Variants in PNPLA1 observed in about 807,000 individuals in gnomAD.
PNPLA1 encodes omega-hydroxyceramide transacylase.
A neutral mutation model predicts 51.7 loss-of-function variants in PNPLA1; 36 were observed. The ratio of observed to expected loss-of-function variants is 0.70; its 90% CI spans 0.53 to 0.92. PNPLA1 has a LOEUF of 0.92. Ranked by LOEUF, PNPLA1 falls within the 40% of genes least tolerant of loss-of-function variation. PNPLA1 has a pLI of 0.00. For synonymous variants in PNPLA1, 293 were observed against 280.1 expected (o/e 1.05, Z -0.46); for missense variants, 658 against 682.5 (o/e 0.96, Z 0.40).
intron 5 of PNPLA1, among the ~76,000 whole-genome samples, chr6:36,298,783 G>C (rs2127349318): frequency 6.6e-6 from 1 of 152,318 alleles, no homozygotes; most frequent in East Asian, 1.9e-4. Flanking sequence ...CTGTTGTCCA[G>C]GCTAGAGTGT....
chr6:36,285,533 G>A (rs1165216635), intron 1 of PNPLA1, among the ~76,000 whole-genome samples: 1 of 152,224 alleles, frequency 6.6e-6, no homozygotes, highest in East Asian at 1.9e-4. Context: ...AGTTGGGGAA[G>A]AGAAGCCTTC....
chr6:36,287,692 T>C (rs1770537887), intron 1 of PNPLA1, among the ~76,000 whole-genome samples: 1 of 150,022 alleles, frequency 6.7e-6, no homozygotes, highest in African/African-American at 2.5e-5. Context: ...AGGAGAGAGA[T>C]AGACAGAGAC....
upstream of PNPLA1, among the ~76,000 whole-genome samples, chr6:36,269,961 C>T (rs997875357): frequency 1.3e-5 from 2 of 152,206 alleles, no homozygotes; most frequent in Non-Finnish European, 2.9e-5. Context: ...CCTTCACGGC[C>T]GCAGCAGCAT....
At chr6:36,309,757 G>A (rs1771346068) in intron 8 of PNPLA1, among the ~76,000 whole-genome samples, 2 of 152,330 alleles carry the variant, frequency 1.3e-5, no homozygotes, top group African/African-American at 4.8e-5. Context: ...CTGCCTGGAG[G>A]TGGCAATTTA....
chr6:36,264,638 C>T (rs1033307119), intron 1 of PNPLA1, among the ~76,000 whole-genome samples: 26 of 152,102 alleles, frequency 1.7e-4, no homozygotes, highest in Non-Finnish European at 2.6e-4. Context: ...TTACTTGTGA[C>T]GTCTCATTGC....
rs1215234918 is a variant in PNPLA1 at position 36,270,064 on chromosome 6, A to C, written c.-396A>C. On this transcript the variant is annotated 5_prime_UTR_variant, in exon 1 of 9. It removes an upstream start codon present in the reference 5' UTR. Transcript: ENST00000636260. ...CTGGGCAGAGCCCGCCTCCTTGGGC[A>C]TGGCCCTGTGCTGGGGAGCAGTGAA... is the stretch of plus-strand genomic sequence containing the variant. Among the ~76,000 whole-genome samples, 1 of 152,256 alleles carries C rather than the reference A, an allele frequency of 6.6e-6. No individual in the cohort carries two copies. Among genetic ancestry groups the C allele is most frequent in the East Asian group, 1.9e-4 (1 of 5,192 alleles).
chr6:36,295,451 G>A, intron 5 of PNPLA1, 27 bp downstream of exon 5: 3 of 1,610,252 alleles, frequency 1.9e-6, no homozygotes, highest in Non-Finnish European at 2.5e-6. Context: ...CCCCAGGTAA[G>A]GGCAGTGTTG....
At position 36,306,311 on chromosome 6, in the gene PNPLA1, T is replaced by C. The variant is rs1771231766; in HGVS notation, c.1404T>C (p.Ser468=). The change falls in exon 7 of 9, where the codon TCT becomes TCC. Residue 468 remains serine (S), a synonymous_variant. Transcript: ENST00000636260. ...TTTTAGCTGTAGCTCTTCTTGTCTC[T>C]TCAAAACCAAAAAGCGCCGTGCCTC... ...EQPQAVALLV[S]SKPKSAVPLV... 8 of 1,613,198 alleles carry C rather than the reference T, an allele frequency of 5.0e-6. No homozygotes were observed. Among genetic ancestry groups the C allele is most frequent in the Non-Finnish European group, 6.8e-6 (8 of 1,179,698 alleles).
chr6:36,250,794 C>T (rs1769403492), intron 1 of PNPLA1, among the ~76,000 whole-genome samples: 1 of 152,138 alleles, frequency 6.6e-6, no homozygotes, highest in African/African-American at 2.4e-5. Flanking sequence ...ACCTCTGACT[C>T]CCCGGTTCAA....
rs536875133 is a variant in PNPLA1, at chr6:36,307,638, C to T, written c.1521C>T (p.Asn507=). The change falls in exon 8 of 9, where the codon AAC becomes AAT. Residue 507 remains asparagine, a synonymous_variant. Transcript: ENST00000636260. ...GGGTGAATAAGGTCTTCAAGAAGAA[C>T]AAGCAAAAGACAAGTGGCACCAGAA... ...SNWVNKVFKK[N]KQKTSGTRKG... 2.0e-4 allele frequency: 322 copies of T among 1,613,884 alleles called. 4 individuals are homozygous for T. The South Asian group carries it at 3.4e-3, about 17-fold the overall frequency.
At chr6:36,250,642 G>A (rs369654272) in intron 1 of PNPLA1, among the ~76,000 whole-genome samples, 1 of 152,134 alleles carries the variant, frequency 6.6e-6, no homozygotes, top group Non-Finnish European at 1.5e-5. Flanking sequence ...AGAGATAACC[G>A]TCTTTAAGGT....
intron 1 of PNPLA1, among the ~76,000 whole-genome samples, chr6:36,285,049 G>GT (rs1770440585): frequency 6.6e-6 from 1 of 152,172 alleles, no homozygotes; most frequent in Non-Finnish European, 1.5e-5. Context: ...GAGATAATAG[G>GT]TGGGAAAGCC....
rs532846780 is a variant in PNPLA1, at chr6:36,263,011, G to A, written c.-81+19750G>A. On this transcript the variant is annotated intron_variant, in intron 1 of 7. Transcript: ENST00000312917. ...ATTTTTAAATAGATGGTGCCAAATT[G>A]CCCACCAAAATGCAGCTTTTCAAAG... is the stretch of plus-strand genomic sequence containing the variant. 2.0e-5 allele frequency among the ~76,000 whole-genome samples: 3 copies of A among 152,250 alleles called. No homozygotes were observed. The East Asian group carries it at 5.8e-4, about 29-fold the overall frequency.
chr6:36,260,599 G>C (rs755096530), intron 1 of PNPLA1, among the ~76,000 whole-genome samples: 1 of 152,046 alleles, frequency 6.6e-6, no homozygotes, highest in South Asian at 2.1e-4. Flanking sequence ...AGTCTCTTGT[G>C]TCTCATTCAG....
intron 5 of PNPLA1, among the ~76,000 whole-genome samples, chr6:36,297,165 G>T (rs776069567): frequency 1.3e-5 from 2 of 152,144 alleles, no homozygotes; most frequent in Non-Finnish European, 2.9e-5. Flanking sequence ...AATGGCCCTG[G>T]AATCACTCCA....
intron 8 of PNPLA1, 101 bp downstream of exon 8, chr6:36,307,813 G>C: frequency 7.1e-7 from 1 of 1,416,628 alleles, no homozygotes; most frequent in Non-Finnish European, 9.4e-7. Context: ...AAGGGAGTAG[G>C]GGGTGCAGTG....
chr6:36,305,906 A>G (rs549397504), intron 6 of PNPLA1, among the ~76,000 whole-genome samples: 1 of 151,616 alleles, frequency 6.6e-6, no homozygotes, highest in South Asian at 2.1e-4. Flanking sequence ...GGCATGCACT[A>G]CAACACCCAG....
At chr6:36,297,865 T>TACACACAC (rs112771131) in intron 5 of PNPLA1, among the ~76,000 whole-genome samples, 13,195 of 133,658 alleles carry the variant, frequency 0.099, 734 homozygotes, top group East Asian at 0.16. Flanking sequence ...TGTCTCTCTG[T>TACACACAC]ACACACACAC....
At chr6:36,295,810 G>A (rs909050340) in intron 5 of PNPLA1, among the ~76,000 whole-genome samples, 2 of 152,160 alleles carry the variant, frequency 1.3e-5, no homozygotes, top group African/African-American at 4.8e-5. Flanking sequence ...CATTATTAAT[G>A]TAGAATTGGA....
Sources: allele counts gnomAD v4.1 joint callset (sites outside exome capture counted in the v4.1 genomes callset), GRCh38; gene constraint gnomAD v4.1.1; transcripts MANE v1.5; gene names NCBI Gene and HGNC (gene_info 2026-07-23, HGNC 2026-07-21).